ARSG: variants seen among roughly 807,000 people sequenced by gnomAD.
ARSG encodes the protein ASG.
Under a neutral mutation model 50.5 loss-of-function variants are expected in ARSG, and 37 were observed. The observed-to-expected ratio is 0.73, with a 90% CI of 0.56 to 0.96. ARSG has a LOEUF of 0.96. Among genes scored for constraint, ARSG ranks in the 50% least tolerant of loss-of-function variants. The probability of loss-of-function intolerance (pLI) is 0.00; values close to 1 mark genes in which losing one functional copy is unlikely to be tolerated. For missense variants in ARSG, 629 were observed against 675.3 expected (o/e 0.93, Z 0.76); for synonymous variants, 225 against 254.6 (o/e 0.88, Z 1.11).
At chr17:68,303,131 G>T (rs1555762544) in intron 1 of ARSG, among the ~76,000 whole-genome samples, 1 of 152,112 alleles carries the variant, frequency 6.6e-6, no homozygotes, top group African/African-American at 2.4e-5. Flanking sequence ...ATGTTTGGAG[G>T]TATTGTTTTC....
At chr17:68,340,525 A>G (rs1053105930) in intron 2 of ARSG, among the ~76,000 whole-genome samples, 3 of 152,054 alleles carry the variant, frequency 2.0e-5, no homozygotes, top group Non-Finnish European at 4.4e-5. Context: ...GCCTCAAGTG[A>G]TCCACCTGCC....
At chr17:68,338,439 C>T (rs928676471) in intron 2 of ARSG, among the ~76,000 whole-genome samples, 1 of 152,174 alleles carries the variant, frequency 6.6e-6, no homozygotes, top group Non-Finnish European at 1.5e-5. Flanking sequence ...CCCTTCCCTT[C>T]AACTTTCAAG....
Position 68,265,109 on chromosome 17 carries a change from A to G in ARSG, c.-552+5683A>G, listed in dbSNP as rs112951616. The stretch of plus-strand genomic sequence containing the variant: ...GTGGAGGTTGCAGTGAGCGGAGATC[A>G]CGCCACTGCACTCCAGCCTGGGCAA... On this transcript the variant is annotated intron_variant, in intron 1 of 11. Transcript: ENST00000448504. Among the ~76,000 whole-genome samples, 865 of 147,180 alleles carry G rather than the reference A, an allele frequency of 5.9e-3. 3 individuals carry two copies. Among genetic ancestry groups the G allele is most frequent in the Non-Finnish European group, 0.01 (686 of 66,410 alleles).
intron 1 of ARSG, among the ~76,000 whole-genome samples, chr17:68,266,328 A>T (rs528304955): frequency 6.9e-4 from 103 of 149,344 alleles, no homozygotes; most frequent in African/African-American, 2.3e-3. Flanking sequence ...TTCGTATGAA[A>T]CTCAACATAA....
intron 3 of ARSG, among the ~76,000 whole-genome samples, chr17:68,345,192 C>G (rs1354918090): frequency 6.6e-6 from 1 of 152,244 alleles, no homozygotes; most frequent in Admixed American, 6.5e-5. Flanking sequence ...TCACAGCCAG[C>G]TGAACGAAGT....
At chr17:68,390,927 C>CTTTTT (rs34688174) in intron 9 of ARSG, among the ~76,000 whole-genome samples, 1 of 141,268 alleles carries the variant, frequency 7.1e-6, no homozygotes, top group Non-Finnish European at 1.5e-5. Flanking sequence ...GTGCCCGGTC[C>CTTTTT]TTTTTTTTTT....
At chr17:68,368,356 A>T (rs771510090) in intron 6 of ARSG, among the ~76,000 whole-genome samples, 192 bp from the exon 7 acceptor site, 1 of 152,348 alleles carries the variant, frequency 6.6e-6, no homozygotes, top group Non-Finnish European at 1.5e-5. Context: ...TGTTATTACA[A>T]TTCTCATTTT....
chr17:68,370,433 C>T lies in ARSG; in HGVS notation c.902-11C>T. ...AGCCTGGTGACCATTAATGCTTTTT[C>T]TGGTTTCTAGGAGACAATGGCCCGT... On this transcript the variant is annotated splice_polypyrimidine_tract_variant and intron_variant, in intron 7 of 11. Coordinates refer to ENST00000621439, the MANE Select transcript of ARSG (RefSeq NM_001267727.2). 1 of 1,613,766 alleles carries T rather than the reference C, an allele frequency of 6.2e-7. No homozygotes were observed. Among genetic ancestry groups the T allele is most frequent in the Admixed American group, 1.7e-5 (1 of 59,948 alleles).
At chr17:68,330,978 CG>C (rs34615975) in intron 2 of ARSG, among the ~76,000 whole-genome samples, 41,770 of 64,900 alleles carry the variant, frequency 0.64, 10,622 homozygotes, top group Middle Eastern at 0.73. Context: ...TTTTTTTTTG[CG>C]GGGGGGGGGG....
At chr17:68,306,738 G>T (rs1452159872) in intron 1 of ARSG, among the ~76,000 whole-genome samples, 1 of 152,062 alleles carries the variant, frequency 6.6e-6, no homozygotes, top group Non-Finnish European at 1.5e-5. Context: ...CATCTCTAAT[G>T]TTACTTCCAA....
Position 68,326,277 on chromosome 17 carries a change from C to T in ARSG, c.219-17327C>T, listed in dbSNP as rs782329067. Among the ~76,000 whole-genome samples, 60 of 152,182 alleles carry T rather than the reference C, an allele frequency of 3.9e-4. 1 individual carries two copies. The highest frequency in any genetic ancestry group is 7.8e-4 in the Non-Finnish European group (53 of 68,040). ...AAATGAGAGCTGAAGCCCAGCTGAC[C>T]AGGAGGGGCCAGCCCTGTGGAGACC... On this transcript the variant is annotated intron_variant, in intron 2 of 11. Transcript: ENST00000621439.
chr17:68,390,722 C>G (rs1479464076), intron 9 of ARSG, among the ~76,000 whole-genome samples: 2 of 152,090 alleles, frequency 1.3e-5, no homozygotes, highest in East Asian at 1.9e-4. Context: ...CTCCTGGGTT[C>G]AAGTGATTCT....
intron 11 of ARSG, among the ~76,000 whole-genome samples, chr17:68,402,299 C>T (rs1245424406): frequency 6.6e-6 from 1 of 152,086 alleles, no homozygotes; most frequent in East Asian, 1.9e-4. Flanking sequence ...GGATGGAGTG[C>T]AGTGGCGTCA....
At chr17:68,292,113 C>T (rs2076025471) in intron 1 of ARSG, among the ~76,000 whole-genome samples, 2 of 152,252 alleles carry the variant, frequency 1.3e-5, no homozygotes, top group South Asian at 4.1e-4. Flanking sequence ...GGCCGGGCCG[C>T]TGCGGGTGCC....
chr17:68,342,061 C>A (rs1263353899), intron 2 of ARSG, among the ~76,000 whole-genome samples: 1 of 151,848 alleles, frequency 6.6e-6, no homozygotes, highest in Non-Finnish European at 1.5e-5. Context: ...CTCAGTTGAT[C>A]CACCTGCCTC....
chr17:68,296,551 GC>G (rs138682113), intron 1 of ARSG, among the ~76,000 whole-genome samples: 12,520 of 152,144 alleles, frequency 0.082, 1,715 homozygotes, highest in African/African-American at 0.29. Context: ...GAGGGGCCCC[GC>G]CCTGCTGTGA....
At chr17:68,450,681 C>A in the ARSG span, 8 of 1,551,944 alleles carry the variant, frequency 5.2e-6, no homozygotes, top group African/African-American at 1.1e-4. Context: ...TTTTGTTTGG[C>A]TCCCGTTAGC....
intron 6 of ARSG, among the ~76,000 whole-genome samples, chr17:68,361,881 A>C (rs551603221): frequency 3.9e-5 from 6 of 152,154 alleles, no homozygotes; most frequent in Admixed American, 3.3e-4. Context: ...ATGCCATTAC[A>C]CTCCAGCCTG....
chr17:68,310,747 C>T (rs782293418), intron 2 of ARSG, among the ~76,000 whole-genome samples: 18 of 152,308 alleles, frequency 1.2e-4, no homozygotes, highest in African/African-American at 3.6e-4. Context: ...CTGAGATACG[C>T]GCCCTTGGTG....
Sources: allele counts gnomAD v4.1 joint callset (sites outside exome capture counted in the v4.1 genomes callset), GRCh38; gene constraint gnomAD v4.1.1; transcripts MANE v1.5; gene names NCBI Gene and HGNC (gene_info 2026-07-23, HGNC 2026-07-21).